KLF8: variants seen among roughly 807,000 people sequenced by gnomAD.
KLF8 encodes KLF transcription factor 8.
Under a neutral mutation model 18.2 loss-of-function variants are expected in KLF8, and 10 were observed. The ratio of observed to expected loss-of-function variants is 0.55; its 90% CI spans 0.34 to 0.93. The LOEUF is 0.93. Among genes scored for constraint, KLF8 ranks in the 40% least tolerant of loss-of-function variants. KLF8 has a pLI of 0.02. For missense variants in KLF8, 264 were observed against 277.9 expected, an observed-to-expected ratio of 0.95 and a Z score of 0.36; for synonymous variants, 109 against 97.3, an observed-to-expected ratio of 1.12 and a Z score of -0.71.
chrX:56,187,506 C>T, the KLF8 span, among the ~76,000 whole-genome samples: 1 of 111,654 alleles, frequency 9.0e-6, no homozygotes, highest in African/African-American at 3.3e-5. Context: ...AGAGGGAATC[C>T]TCCCTAACTC....
upstream of KLF8, among the ~76,000 whole-genome samples, chrX:56,232,246 T>C (rs2066408286): frequency 8.9e-6 from 1 of 111,987 alleles, no homozygotes; most frequent in South Asian, 3.7e-4. Flanking sequence ...TGCTGGAGGC[T>C]GAGGGAGGCG....
chrX:56,231,251 T>C (rs949822658), upstream of KLF8, among the ~76,000 whole-genome samples: 4 of 111,426 alleles, frequency 3.6e-5, no homozygotes, highest in African/African-American at 1.3e-4. Context: ...GAACAGAGTG[T>C]TTTGGGGAAA....
chrX:56,197,069 A>G, the KLF8 span, among the ~76,000 whole-genome samples: 11 of 111,949 alleles, frequency 9.8e-5, no homozygotes, highest in Middle Eastern at 4.6e-3. Context: ...ACAATGTACC[A>G]GAATATCAGG....
the KLF8 span, among the ~76,000 whole-genome samples, chrX:56,064,111 G>A: frequency 2.1e-5 from 2 of 94,376 alleles, no homozygotes; most frequent in East Asian, 3.0e-4. Context: ...ACATATATAC[G>A]TATGTGTGTG....
At chrX:56,021,184 A>G in the KLF8 span, among the ~76,000 whole-genome samples, 1 of 112,258 alleles carries the variant, frequency 8.9e-6, no homozygotes, top group Non-Finnish European at 1.9e-5. Flanking sequence ...TGAAATTTGT[A>G]TGAATGAAAC....
the KLF8 span, among the ~76,000 whole-genome samples, chrX:56,006,466 C>T: frequency 8.9e-6 from 1 of 112,163 alleles, no homozygotes; most frequent in Non-Finnish European, 1.9e-5. Context: ...AAGATCTGCT[C>T]AGAGTGTACC....
intron 5 of KLF8, among the ~76,000 whole-genome samples, chrX:56,279,996 G>T (rs767292992): frequency 3.6e-5 from 4 of 111,499 alleles, no homozygotes; most frequent in Non-Finnish European, 7.5e-5. Context: ...AGAGAGTGCC[G>T]TCTCTGTCTT....
chrX:56,186,563 C>A, the KLF8 span, among the ~76,000 whole-genome samples: 1 of 111,653 alleles, frequency 9.0e-6, no homozygotes, highest in Non-Finnish European at 1.9e-5. Context: ...CCCAAATCAG[C>A]AGATTATACA....
upstream of KLF8, among the ~76,000 whole-genome samples, chrX:56,229,522 A>C (rs2066387819): frequency 1.8e-5 from 2 of 111,926 alleles, no homozygotes; most frequent in African/African-American, 6.5e-5. Flanking sequence ...CTAGTTCCCC[A>C]TACCTGCTCC....
At chrX:56,053,278 C>T in the KLF8 span, among the ~76,000 whole-genome samples, 1 of 111,798 alleles carries the variant, frequency 8.9e-6, no homozygotes, top group Admixed American at 9.4e-5. Context: ...TGGCTCCTCC[C>T]CCTATTTTTT....
At chrX:56,277,752 C>T (rs2067141883) in intron 5 of KLF8, among the ~76,000 whole-genome samples, 1 of 112,668 alleles carries the variant, frequency 8.9e-6, no homozygotes, top group Non-Finnish European at 1.9e-5. Flanking sequence ...GTGAGTTCTC[C>T]TAGGCCCTTG....
the KLF8 span, among the ~76,000 whole-genome samples, chrX:56,078,835 A>T: frequency 9.0e-6 from 1 of 111,156 alleles, no homozygotes; most frequent in African/African-American, 3.3e-5. Context: ...TTATTGGTCT[A>T]TTCAGAGATT....
At chrX:56,156,829 T>C in the KLF8 span, among the ~76,000 whole-genome samples, 1 of 105,891 alleles carries the variant, frequency 9.4e-6, no homozygotes, top group Admixed American at 1.0e-4. Flanking sequence ...TAGTTTTTTG[T>C]CCTTGTGATA....
At chrX:56,161,873 G>C in the KLF8 span, among the ~76,000 whole-genome samples, 1 of 111,457 alleles carries the variant, frequency 9.0e-6, no homozygotes, top group Non-Finnish European at 1.9e-5. Context: ...CAGTTTTTCT[G>C]CTCTGTTTTT....
chrX:55,924,799 A>C, the KLF8 span, among the ~76,000 whole-genome samples: 3 of 95,827 alleles, frequency 3.1e-5, 1 homozygote, highest in Admixed American at 2.3e-4. Flanking sequence ...TATTATGTGG[A>C]GGATTGGTGG....
At chrX:56,073,117 G>A in the KLF8 span, among the ~76,000 whole-genome samples, 1 of 109,362 alleles carries the variant, frequency 9.1e-6, no homozygotes, top group Non-Finnish European at 1.9e-5. Flanking sequence ...CTCCCGAGTA[G>A]CTGGGACTAC....
chrX:56,049,786 T>C, the KLF8 span, among the ~76,000 whole-genome samples: 1 of 110,657 alleles, frequency 9.0e-6, no homozygotes, highest in East Asian at 2.8e-4. Flanking sequence ...CCTCATAAAA[T>C]GAGTTAGGGA....
chrX:55,935,632 T>C, the KLF8 span, among the ~76,000 whole-genome samples: 492 of 112,411 alleles, frequency 4.4e-3, 1 homozygote, highest in African/African-American at 0.015. Flanking sequence ...ATAAATGAAC[T>C]AGAGCCACAT....
the KLF8 span, among the ~76,000 whole-genome samples, chrX:56,088,391 G>A: frequency 9.0e-6 from 1 of 111,224 alleles, no homozygotes; most frequent in Non-Finnish European, 1.9e-5. Flanking sequence ...TTGTTTACAG[G>A]ATATTGAGTG....
Sources: gnomAD v4.1 joint callset for allele counts (sites outside exome capture counted in the v4.1 genomes callset) on GRCh38, gnomAD v4.1.1 for gene constraint, MANE v1.5 for transcripts, NCBI Gene and HGNC (gene_info 2026-07-23, HGNC 2026-07-21) for gene names.